Variants in TSC2 observed in about 807,000 individuals in gnomAD.
The protein encoded by TSC2 is tuberin.
A neutral mutation model predicts 202.2 loss-of-function variants in TSC2; 29 were observed. That is an observed-to-expected ratio of 0.14 (90% CI 0.11 to 0.20). TSC2 has a LOEUF of 0.20. Ranked by LOEUF, TSC2 falls within the 10% of genes least tolerant of loss-of-function variation. The pLI, the probability that TSC2 is intolerant of heterozygous loss-of-function variation, is 1.00. For missense variants in TSC2, 2,429 were observed against 2,420.0 expected, an observed-to-expected ratio of 1.00 and a Z score of -0.08; for synonymous variants, 1,349 against 1,044.0, an observed-to-expected ratio of 1.29 and a Z score of -5.63.
chr16:2,063,960 G>A (rs2086962612), intron 14 of TSC2: 5 of 474,556 alleles, frequency 1.1e-5, no homozygotes, highest in South Asian at 1.0e-4. Context: ...ATGTGGGAGG[G>A]GTTCTCGGCT....
intron 16 of TSC2, chr16:2,068,461 CTT>C (rs2087714199): frequency 6.6e-6 from 1 of 152,262 alleles, no homozygotes; most frequent in Admixed American, 6.5e-5. Context: ...TCCCCAGAAA[CTT>C]TACCAACAGC....
intron 15 of TSC2, chr16:2,064,980 G>T (rs1187752021): frequency 2.5e-5 from 5 of 197,618 alleles, no homozygotes; most frequent in African/African-American, 1.2e-4. Context: ...TGCACGTGGT[G>T]GCGGGCACCT....
intron 32 of TSC2, 153 bp from the exon 33 acceptor site, chr16:2,083,542 C>T: frequency 7.4e-7 from 1 of 1,351,980 alleles, no homozygotes; most frequent in Non-Finnish European, 1.0e-6. Context: ...GTCCTCCCTG[C>T]CCGCTCGGTG....
chr16:2,080,950 G>A (rs2090070713), intron 30 of TSC2: 1 of 171,382 alleles, frequency 5.8e-6, no homozygotes, highest in African/African-American at 2.4e-5. Context: ...GGCAGGAGGT[G>A]CTCCTCAGAG....
intron 36 of TSC2, among the ~76,000 whole-genome samples, chr16:2,085,874 CGAG>C (rs1463406106): frequency 1.3e-5 from 2 of 152,108 alleles, no homozygotes; most frequent in Non-Finnish European, 2.9e-5. Context: ...CTGTGTGGCT[CGAG>C]GAGGTGGGTG....
At position 2,055,468 on chromosome 16, in the gene TSC2, T is replaced by C; in HGVS notation, c.548T>C (p.Leu183Ser). Residue 183 changes from leucine to serine, a missense_variant, in exon 6 of 42, where the codon TTG (leucine) becomes TCG (serine). Leu to Ser is a moderately radical substitution (Grantham distance 145, BLOSUM62 -2). Coordinates refer to ENST00000219476, the MANE Select transcript of TSC2 (RefSeq NM_000548.5). ...SSEFLLVLVN[L>S]VKFNSCYLDE... ...GAATTCCTTCTGGTGCTGGTGAACTTGGTCAAATTCAATAGCTGTTACCTC... is the reference window on the plus strand; with the variant it reads ...GAATTCCTTCTGGTGCTGGTGAACTCGGTCAAATTCAATAGCTGTTACCTC... 1 of 1,614,242 alleles carries C rather than the reference T, an allele frequency of 6.2e-7. No individual in the cohort carries two copies. The highest frequency in any genetic ancestry group is 8.5e-7 in the Non-Finnish European group (1 of 1,180,036).
chr16:2,072,081 T>C, intron 19 of TSC2, 147 bp downstream of exon 19: 1 of 1,494,582 alleles, frequency 6.7e-7, no homozygotes, highest in South Asian at 1.3e-5. Flanking sequence ...CCCGAGCAGC[T>C]GCAGGGACAG....
intron 1 of TSC2, 166 bp from the exon 2 acceptor site, chr16:2,048,421 C>T (rs1164857785): frequency 1.2e-5 from 11 of 951,584 alleles, no homozygotes; most frequent in Admixed American, 2.0e-5. Context: ...TCCTAGGTGC[C>T]TGTTTGCGAG....
At chr16:2,076,385 C>T in intron 24 of TSC2, 106 bp from the exon 25 acceptor site, 1 of 1,586,826 alleles carries the variant, frequency 6.3e-7, no homozygotes. Flanking sequence ...GCCGCCTTGC[C>T]CCTAGCCTGC....
chr16:2,058,997 AG>A, intron 10 of TSC2, 124 bp downstream of exon 10: 1 of 1,479,482 alleles, frequency 6.8e-7, no homozygotes, highest in South Asian at 1.2e-5. Context: ...CTTTCCAGGC[AG>A]TTGCTTTGCA....
At chr16:2,085,695 C>T (rs1339346383) in intron 36 of TSC2, among the ~76,000 whole-genome samples, 1 of 152,194 alleles carries the variant, frequency 6.6e-6, no homozygotes, top group East Asian at 1.9e-4. Context: ...CCGGGCGCAC[C>T]CTGCCCAGCT....
Position 2,088,270 on chromosome 16 carries a change from T to C in TSC2, c.5204T>C (p.Ile1735Thr), listed in dbSNP as rs786203769. Residue 1735 changes from isoleucine (I) to threonine (T), a missense_variant, in exon 41 of 42, where the codon ATC (isoleucine) becomes ACC (threonine). Coordinates refer to ENST00000219476, the MANE Select transcript of TSC2 (RefSeq NM_000548.5). ...CATAGCCGCTCCAACCCCACCGATA[T>C]CTACCCCTCCAAGTGGATTGCCCGG... is the stretch of plus-strand genomic sequence containing the variant. ...VHHSRSNPTD[I>T]YPSKWIARLR... 4.9e-5 allele frequency: 79 copies of C among 1,612,946 alleles called. 1 individual carries two copies. The Admixed American group carries it at 1.2e-3, about 24-fold the overall frequency.
Position 2,060,816 on chromosome 16 carries a change from G to C in TSC2, c.1119+3G>C, listed in dbSNP as rs79668097. The C allele has an allele frequency of 6.2e-7, 1 of 1,613,274 alleles. No individual in the cohort carries two copies. Among genetic ancestry groups the C allele is most frequent in the Non-Finnish European group, 8.5e-7 (1 of 1,179,942 alleles). On this transcript the variant is annotated splice_donor_region_variant and intron_variant, in intron 11 of 41. Coordinates refer to ENST00000219476, the MANE Select transcript of TSC2 (RefSeq NM_000548.5). ...AACGGCTCCTTCAGCAGCTCCAGGTGGGGTGGGGGCAGGAGCTCCGGGGAG... is the reference window on the plus strand; with the variant it reads ...AACGGCTCCTTCAGCAGCTCCAGGTCGGGTGGGGGCAGGAGCTCCGGGGAG...
chr16:2,067,992 C>A (rs1006414333), intron 16 of TSC2, among the ~76,000 whole-genome samples: 1 of 152,172 alleles, frequency 6.6e-6, no homozygotes, highest in Admixed American at 6.5e-5. Flanking sequence ...GGCTGCAGAA[C>A]TGAGATATTT....
chr16:2,072,430 C>T, intron 20 of TSC2, 67 bp downstream of exon 20: 8 of 1,603,480 alleles, frequency 5.0e-6, no homozygotes, highest in Non-Finnish European at 6.8e-6. Context: ...GACTGCGAGC[C>T]TCTGGGCAGA....
In TSC2 at chr16:2,048,075, G is replaced by C. The variant is rs1596229987; in HGVS notation, c.-30+10G>C. 1 of 1,424,128 alleles carries C rather than the reference G, an allele frequency of 7.0e-7. No individual in the cohort carries two copies. Among genetic ancestry groups the C allele is most frequent in the East Asian group, 2.8e-5 (1 of 36,348 alleles). 88.2% of individuals were successfully genotyped at this position (1,424,128 alleles called of 1,614,324 possible). A position where few individuals can be genotyped will look rare whatever the true frequency, so the allele number is the denominator to read the frequency against. On this transcript the variant is annotated intron_variant, in intron 1 of 41. Transcript: ENST00000219476. ...GGTGGCGCGGCGCGGGGTAAGTGGC[G>C]GTCCCCACGGGGCAAGTGGCGGTCC...
intron 10 of TSC2, among the ~76,000 whole-genome samples, chr16:2,059,815 G>T (rs767793017): frequency 1.6e-4 from 25 of 151,962 alleles, no homozygotes; most frequent in Non-Finnish European, 3.2e-4. Context: ...CACCGTGCCC[G>T]GCCAAGGCTA....
Position 2,088,757 on chromosome 16 carries a change from T to G in TSC2, c.*147T>G. 3 of 1,158,066 alleles carry G rather than the reference T, an allele frequency of 2.6e-6. No homozygotes were observed. Among genetic ancestry groups the G allele is most frequent in the Non-Finnish European group, 3.6e-6 (3 of 834,812 alleles). 71.7% of individuals were successfully genotyped at this position (1,158,066 alleles called of 1,614,324 possible). On this transcript the variant is annotated 3_prime_UTR_variant, in exon 42 of 42. Transcript: ENST00000219476. ...GACTTTGTCTGCTTGGTGCGGGGGT[T>G]GGGGGGGTGTCGAGGCTCTAGAAGC...
At chr16:2,060,115 C>T (rs897582103) in intron 10 of TSC2, among the ~76,000 whole-genome samples, 7 of 152,178 alleles carry the variant, frequency 4.6e-5, no homozygotes, top group Non-Finnish European at 1.0e-4. Flanking sequence ...TCTGCAATGA[C>T]GCCGTGGCAC....
Sources: gnomAD v4.1 joint callset for allele counts (sites outside exome capture counted in the v4.1 genomes callset) on GRCh38, gnomAD v4.1.1 for gene constraint, MANE v1.5 for transcripts, NCBI Gene and HGNC (gene_info 2026-07-23, HGNC 2026-07-21) for gene names.